RGPD2: variants seen among roughly 807,000 people sequenced by gnomAD.
RGPD2 encodes the protein RANBP2-like and GRIP domain-containing protein 2.
A neutral mutation model predicts 36.0 loss-of-function variants in RGPD2; 2 were observed. That is an observed-to-expected ratio of 0.06 (90% CI 0.02 to 0.17). RGPD2 has a LOEUF of 0.17. RGPD2 is among the 10% of genes least tolerant of loss of function. The pLI is 1.00. For missense variants in RGPD2, 40 were observed against 464.3 expected, an observed-to-expected ratio of 0.09 and a Z score of 8.40; for synonymous variants, 19 against 163.8, an observed-to-expected ratio of 0.12 and a Z score of 6.75.
chr2:87,861,245 T>G, the RGPD2 span, among the ~76,000 whole-genome samples: 1 of 151,776 alleles, frequency 6.6e-6, no homozygotes, highest in African/African-American at 2.4e-5. Context: ...ATTTTCAATT[T>G]TTATTATAAA....
the RGPD2 span, among the ~76,000 whole-genome samples, chr2:87,927,677 CT>C: frequency 1.1e-4 from 17 of 147,970 alleles, no homozygotes; most frequent in Middle Eastern, 3.5e-3. Flanking sequence ...AGTATCATGT[CT>C]TTTTTTTTAA....
the RGPD2 span, among the ~76,000 whole-genome samples, chr2:87,876,213 C>T: frequency 5.5e-5 from 8 of 144,672 alleles, no homozygotes; most frequent in East Asian, 2.0e-4. Context: ...TTTATGTCCC[C>T]ATCTCCTTCA....
chr2:87,846,172 G>C, the RGPD2 span, among the ~76,000 whole-genome samples: 1 of 151,292 alleles, frequency 6.6e-6, no homozygotes, highest in Non-Finnish European at 1.5e-5. Context: ...TGGGGTAATA[G>C]CCTCATTGGT....
chr2:87,875,671 TG>T, the RGPD2 span, among the ~76,000 whole-genome samples: 9 of 151,920 alleles, frequency 5.9e-5, no homozygotes, highest in African/African-American at 1.2e-4. Context: ...TTGAAGTTTT[TG>T]TTGTTGTTGT....
the RGPD2 span, among the ~76,000 whole-genome samples, chr2:87,986,275 C>T: frequency 6.6e-6 from 1 of 150,810 alleles, no homozygotes; most frequent in Non-Finnish European, 1.5e-5. Context: ...GCCGGGATTA[C>T]AGGCGTCTGC....
chr2:87,909,086 G>A, the RGPD2 span, among the ~76,000 whole-genome samples: 1 of 149,556 alleles, frequency 6.7e-6, no homozygotes, highest in Non-Finnish European at 1.5e-5. Context: ...GGTCCTAAGA[G>A]TCAGGGATGG....
the RGPD2 span, among the ~76,000 whole-genome samples, chr2:87,841,027 G>C: frequency 6.6e-6 from 1 of 151,914 alleles, no homozygotes; most frequent in Non-Finnish European, 1.5e-5. Context: ...TTTCTAATCT[G>C]TATGACAGTT....
At chr2:87,866,942 T>G in the RGPD2 span, among the ~76,000 whole-genome samples, 1 of 130,496 alleles carries the variant, frequency 7.7e-6, no homozygotes, top group Non-Finnish European at 1.7e-5. Flanking sequence ...GGAATCCATT[T>G]GCATAGAGGA....
the RGPD2 span, among the ~76,000 whole-genome samples, chr2:87,845,775 G>A: frequency 6.6e-6 from 1 of 152,010 alleles, no homozygotes; most frequent in African/African-American, 2.4e-5. Flanking sequence ...TTTTAGTAAT[G>A]CTTTATTACC....
chr2:87,951,275 G>T, the RGPD2 span, among the ~76,000 whole-genome samples: 1 of 150,788 alleles, frequency 6.6e-6, no homozygotes, highest in Admixed American at 6.6e-5. Flanking sequence ...AAGGTCCATG[G>T]TTTAATCATT....
chr2:87,868,753 A>T, the RGPD2 span, among the ~76,000 whole-genome samples: 3 of 151,596 alleles, frequency 2.0e-5, no homozygotes, highest in African/African-American at 7.3e-5. Flanking sequence ...TATCAGCATG[A>T]CCAACTCCTT....
At chr2:87,987,754 G>A in the RGPD2 span, among the ~76,000 whole-genome samples, 1 of 31,480 alleles carries the variant, frequency 3.2e-5, no homozygotes, top group African/African-American at 1.2e-4. Context: ...ATATAACCAA[G>A]TATGTCATAG....
chr2:87,920,482 G>T, the RGPD2 span, among the ~76,000 whole-genome samples: 1 of 141,172 alleles, frequency 7.1e-6, no homozygotes, highest in Non-Finnish European at 1.5e-5. Flanking sequence ...TACCTACAAC[G>T]CCCAAGCAGT....
the RGPD2 span, among the ~76,000 whole-genome samples, chr2:87,847,134 A>G: frequency 2.0e-5 from 3 of 152,172 alleles, no homozygotes; most frequent in Non-Finnish European, 2.9e-5. Context: ...ATCTTTCCAG[A>G]TTACCATTGA....
the RGPD2 span, among the ~76,000 whole-genome samples, chr2:87,984,671 C>T: frequency 1.4e-5 from 2 of 146,114 alleles, no homozygotes; most frequent in Non-Finnish European, 1.5e-5. Context: ...TGGCTCACAC[C>T]TGTAATCCCA....
chr2:87,934,569 T>C, the RGPD2 span, among the ~76,000 whole-genome samples: 1 of 151,126 alleles, frequency 6.6e-6, no homozygotes, highest in Non-Finnish European at 1.5e-5. Context: ...TTTTTTATTA[T>C]TTAGACAGTT....
At chr2:87,948,644 G>A in the RGPD2 span, among the ~76,000 whole-genome samples, 1 of 132,648 alleles carries the variant, frequency 7.5e-6, no homozygotes, top group Non-Finnish European at 1.6e-5. Context: ...GCCTCCCAAA[G>A]TGCTGGGATT....
the RGPD2 span, among the ~76,000 whole-genome samples, chr2:87,832,941 TATAAATAA>T: frequency 2.1e-5 from 3 of 142,816 alleles, no homozygotes; most frequent in Middle Eastern, 3.6e-3. Flanking sequence ...AGTCTCTGTC[TATAAATAA>T]ATAAATAAAT....
chr2:87,781,464 GTTTT>G (rs879124297), intron 20 of RGPD2, among the ~76,000 whole-genome samples: 1 of 112,610 alleles, frequency 8.9e-6, no homozygotes, highest in African/African-American at 3.4e-5. Flanking sequence ...TTGTTTTTTT[GTTTT>G]TTTTTTTTTT....
Sources: allele counts gnomAD v4.1 joint callset (sites outside exome capture counted in the v4.1 genomes callset), GRCh38; gene constraint gnomAD v4.1.1; transcripts MANE v1.5; gene names NCBI Gene and HGNC (gene_info 2026-07-23, HGNC 2026-07-21).